The following CEP295 variants were observed in gnomAD, a reference collection of about 807,000 sequenced individuals.
The protein encoded by CEP295 is centrosomal protein 295.
CEP295 carries 190 observed loss-of-function variants against 291.6 expected under a neutral mutation model. That is an observed-to-expected ratio of 0.65 (90% confidence interval 0.58 to 0.73). CEP295 has a LOEUF of 0.73. Among genes scored for constraint, CEP295 ranks in the 30% least tolerant of loss-of-function variants. The pLI is 0.00. For synonymous variants in CEP295, 993 were observed against 1,038.8 expected (o/e 0.96, Z 0.85); for missense variants, 2,863 against 2,949.4 (o/e 0.97, Z 0.68).
Position 93,699,264 on chromosome 11 carries a change from C to G in CEP295, c.4352C>G (p.Pro1451Arg), listed in dbSNP as rs1952010574. The G allele has an allele frequency of 6.4e-7, 1 of 1,551,484 alleles. No homozygotes were observed. Among genetic ancestry groups the G allele is most frequent in the Non-Finnish European group, 8.7e-7 (1 of 1,146,678 alleles). ...GLLGLSHLVL[P>R]QQDNLIALEE... ...TTGGGTTTATCACATCTTGTTTTAC[C>G]TCAACAAGATAATTTGATTGCACTT... The change falls in exon 15 of 30, where the codon CCT becomes CGT. Residue 1451 changes from proline (P) to arginine (R), a missense_variant. By Grantham distance (103) the Pro-to-Arg change is moderately radical (BLOSUM62 -2). Transcript: ENST00000325212.
rs1010456234 is a variant in CEP295 at position 93,673,647 on chromosome 11, C to T, written c.529-1924C>T. Among the ~76,000 whole-genome samples, 8 of 152,166 alleles carry T rather than the reference C, an allele frequency of 5.3e-5. No individual in the cohort carries two copies. In the East Asian group the frequency reaches 1.4e-3, roughly 26 times the overall value. On this transcript the variant is annotated intron_variant, in intron 5 of 29. Coordinates refer to ENST00000325212, the MANE Select transcript of CEP295 (RefSeq NM_033395.2). Reference sequence around the variant, plus strand: ...TAGCTGGGATTACAAGTGTGTGCCACCATGCCTGGCTAATTTTTGATTTTT... The same window carrying T: ...TAGCTGGGATTACAAGTGTGTGCCATCATGCCTGGCTAATTTTTGATTTTT...
chr11:93,679,559 C>T lies in CEP295; in HGVS notation c.765+7C>T. 1 of 1,550,124 alleles carries T rather than the reference C, an allele frequency of 6.5e-7. No homozygotes were observed. Among genetic ancestry groups the T allele is most frequent in the Middle Eastern group, 1.7e-4 (1 of 5,984 alleles). On this transcript the variant is annotated splice_region_variant and intron_variant, in intron 7 of 29. Coordinates refer to ENST00000325212, the MANE Select transcript of CEP295 (RefSeq NM_033395.2). ...GAAGATCCATTTGGCTCAAGTAAGA[C>T]TTATATTCTACCCATGACCATTACT... is the stretch of plus-strand genomic sequence containing the variant.
intron 18 of CEP295, among the ~76,000 whole-genome samples, chr11:93,713,076 C>G (rs577238420): frequency 6.6e-6 from 1 of 151,844 alleles, no homozygotes; most frequent in African/African-American, 2.4e-5. Flanking sequence ...AAAGAGAAAA[C>G]TAATAAAAGC....
chr11:93,680,679 A>G (rs1266999990), intron 7 of CEP295, among the ~76,000 whole-genome samples: 1 of 152,230 alleles, frequency 6.6e-6, no homozygotes, highest in Non-Finnish European at 1.5e-5. Flanking sequence ...TGTCATCAAT[A>G]TGTAAAATAT....
rs1262620019 is a variant in CEP295, at chr11:93,696,681, G to A, written c.1770-1G>A. 6.5e-7 allele frequency: 1 copy of A among 1,528,506 alleles called. No individual in the cohort carries two copies. Among genetic ancestry groups the A allele is most frequent in the Admixed American group, 2.2e-5 (1 of 45,836 alleles). 94.7% of individuals were successfully genotyped at this position (1,528,506 alleles called of 1,614,324 possible). A position where few individuals can be genotyped will look rare whatever the true frequency, so the allele number is the denominator to read the frequency against. Reference sequence around the variant, plus strand: ...TAATTGTTTGCTTTTGTTTTTGGTAGGTTACACAGGCAGTCTGTTGAAACA... The same window carrying A: ...TAATTGTTTGCTTTTGTTTTTGGTAAGTTACACAGGCAGTCTGTTGAAACA... On this transcript the variant is annotated splice_acceptor_variant, in intron 14 of 29. Transcript: ENST00000325212. LOFTEE classifies it high-confidence loss of function.
chr11:93,718,074 G>A (rs1285255510), intron 18 of CEP295, among the ~76,000 whole-genome samples: 2 of 152,226 alleles, frequency 1.3e-5, no homozygotes, highest in East Asian at 3.9e-4. Context: ...ACCCCACCCG[G>A]TTAATTTTTT....
intron 13 of CEP295, 74 bp downstream of exon 13, chr11:93,695,708 G>T: frequency 6.9e-7 from 1 of 1,443,220 alleles, no homozygotes; most frequent in African/African-American, 1.5e-5. Flanking sequence ...CACTTGTAGC[G>T]TTTAGAAAAG....
At position 93,699,692 on chromosome 11, in the gene CEP295, A is replaced by G. The variant is rs80145928; in HGVS notation, c.4780A>G (p.Lys1594Glu). The G allele has an allele frequency of 1.9e-6, 3 of 1,551,560 alleles. No individual in the cohort carries two copies. In the African/African-American group the frequency reaches 4.1e-5, roughly 21 times the overall value. ...ACAGGATAGACTTTTGAGTTTATCA[A>G]AGCCTATTCTGCCTCAGCAAGATAA... ...RLQDRLLSLS[K>E]PILPQQDNMT... The change falls in exon 15 of 30, where the codon AAG (lysine) becomes GAG (glutamate). Residue 1594 changes from lysine (K) to glutamate (E), a missense_variant. Around this residue, in one of 3 missense-constraint regions of CEP295, gnomAD observed 2,295 missense variants for 2,335.7 expected, o/e 0.98. Transcript: ENST00000325212.
chr11:93,716,738 A>G (rs1335818820), intron 18 of CEP295, among the ~76,000 whole-genome samples: 1 of 152,250 alleles, frequency 6.6e-6, no homozygotes, highest in Non-Finnish European at 1.5e-5. Context: ...AATTGTAACA[A>G]GTTCATAACT....
In CEP295 at chr11:93,667,750, A is replaced by C; in HGVS notation, c.252A>C (p.Lys84Asn). ...SQTQKIQNLE[K>N]LYLASLRSMG... ...CTCAGAAAATACAGAACTTGGAAAA[A>C]CTGTATTTGGCAAGTTTAAGAAGTA... The change falls in exon 3 of 30, where the codon AAA (lysine) becomes AAC (asparagine). Residue 84 changes from lysine to asparagine, a missense_variant. Physicochemically the swap from Lys to Asn is moderately conservative, Grantham distance 94. Transcript: ENST00000325212. 1 of 1,551,440 alleles carries C rather than the reference A, an allele frequency of 6.4e-7. No homozygotes were observed. The highest frequency in any genetic ancestry group is 8.7e-7 in the Non-Finnish European group (1 of 1,146,852).
intron 12 of CEP295, among the ~76,000 whole-genome samples, chr11:93,693,972 A>G (rs544273978): frequency 8.3e-4 from 126 of 152,340 alleles, no homozygotes; most frequent in African/African-American, 2.9e-3. Flanking sequence ...AAAGCTAGTA[A>G]CCACTCTATG....
At position 93,697,897 on chromosome 11, in the gene CEP295, C is replaced by T. The variant is rs375961612; in HGVS notation, c.2985C>T (p.Phe995=). The change falls in exon 15 of 30, where the codon TTC becomes TTT. Residue 995 remains phenylalanine, a synonymous_variant. Coordinates refer to ENST00000325212, the MANE Select transcript of CEP295 (RefSeq NM_033395.2). ...RVCSEQAEPS[F]PFQVAQHTFT... ...GTTCCGAACAGGCTGAGCCCTCTTT[C>T]CCATTTCAGGTAGCTCAGCATACAT... 6.4e-7 allele frequency: 1 copy of T among 1,551,682 alleles called. No homozygotes were observed. The highest frequency in any genetic ancestry group is 2.4e-5 in the East Asian group (1 of 40,916).
Position 93,695,524 on chromosome 11 carries a change from A to C in CEP295, c.1561A>C (p.Lys521Gln), listed in dbSNP as rs1247495373. 6.8e-7 allele frequency: 1 copy of C among 1,466,862 alleles called. No homozygotes were observed. Among genetic ancestry groups the C allele is most frequent in the African/African-American group, 1.5e-5 (1 of 67,506 alleles). 90.9% of individuals were successfully genotyped at this position (1,466,862 alleles called of 1,614,324 possible). ...QIMEIEEQKQKQLELLEQIEQ... is the reference protein window; with the variant it reads ...QIMEIEEQKQQQLELLEQIEQ... ...AATGGAAATAGAAGAGCAGAAGCAA[A>C]AGCAATTGGAATTACTTGAACAAAT... The change falls in exon 13 of 30, where the codon AAG becomes CAG. Residue 521 changes from lysine (K) to glutamine (Q), a missense_variant. This residue lies in a region of CEP295 where 14 missense variants were observed against 37.7 expected (regional missense o/e 0.37). Transcript: ENST00000325212.
At position 93,675,681 on chromosome 11, in the gene CEP295, G is replaced by A; in HGVS notation, c.624+15G>A. ...ACACAAAACGGGTGATTGACTTATT[G>A]TTTCTTCATGCCCTCGCTTTATTAT... is the stretch of plus-strand genomic sequence containing the variant. On this transcript the variant is annotated intron_variant, in intron 6 of 29. Transcript: ENST00000325212. 1 of 1,194,792 alleles carries A rather than the reference G, an allele frequency of 8.4e-7. No individual in the cohort carries two copies. The highest frequency in any genetic ancestry group is 1.5e-5 in the South Asian group (1 of 67,780). The allele number at this position is 1,194,792 out of a possible 1,614,324, so 74.0% of individuals were successfully genotyped here. A position where few individuals can be genotyped will look rare whatever the true frequency, so the allele number is the denominator to read the frequency against.
chr11:93,721,903 T>C (rs747700963), intron 19 of CEP295, 51 bp from the exon 20 acceptor site: 1 of 1,309,858 alleles, frequency 7.6e-7, no homozygotes, highest in Admixed American at 1.7e-5. Context: ...TTTGGGGTTT[T>C]CTTACATACT....
intron 17 of CEP295, among the ~76,000 whole-genome samples, chr11:93,703,129 A>G (rs183217784): frequency 2.6e-5 from 4 of 152,028 alleles, no homozygotes; most frequent in African/African-American, 9.7e-5. Context: ...ACACCCAGCT[A>G]ATTTTTGTAT....
At chr11:93,675,725 G>T in intron 6 of CEP295, 59 bp downstream of exon 6, 2 of 869,808 alleles carry the variant, frequency 2.3e-6, no homozygotes, top group Middle Eastern at 2.1e-4. Flanking sequence ...GCATTGAATT[G>T]AATTATATCT....
At position 93,697,668 on chromosome 11, in the gene CEP295, A is replaced by G. The variant is rs1308480649; in HGVS notation, c.2756A>G (p.Asn919Ser). ...CAGGAATCTTCACCAACCAAGAATA[A>G]TATTGCAGTTTCCTCAGACCATCAT... is the stretch of plus-strand genomic sequence containing the variant. ...RIQESSPTKNNIAVSSDHHVI... is the reference protein window; with the variant it reads ...RIQESSPTKNSIAVSSDHHVI... Residue 919 changes from asparagine (N) to serine (S), a missense_variant, in exon 15 of 30, where the codon AAT becomes AGT. Asn to Ser is a conservative substitution (Grantham distance 46). Transcript: ENST00000325212. The G allele has an allele frequency of 6.4e-7, 1 of 1,551,876 alleles. No individual in the cohort carries two copies. The highest frequency in any genetic ancestry group is 2.4e-5 in the East Asian group (1 of 40,916).
In CEP295 at chr11:93,666,893, A is replaced by G. The variant is rs1950226704; in HGVS notation, c.108+78A>G. Reference sequence around the variant, plus strand: ...GTATTCTTTTACATTAGAGTGTTCTAAATGTTGTATTTAAAAACCTCTTCT... The same window carrying G: ...GTATTCTTTTACATTAGAGTGTTCTGAATGTTGTATTTAAAAACCTCTTCT... On this transcript the variant is annotated intron_variant, in intron 2 of 29. Coordinates refer to ENST00000325212, the MANE Select transcript of CEP295 (RefSeq NM_033395.2). 9 of 813,088 alleles carry G rather than the reference A, an allele frequency of 1.1e-5. No homozygotes were observed. In the South Asian group the frequency reaches 1.6e-4, roughly 15 times the overall value. The allele number at this position is 813,088 out of a possible 1,614,324, so 50.4% of individuals were successfully genotyped here.
Sources: gnomAD v4.1 joint callset for allele counts (sites outside exome capture counted in the v4.1 genomes callset) on GRCh38, gnomAD v4.1.1 for gene constraint, gnomAD v4.1.1 regional missense constraint, MANE v1.5 for transcripts, NCBI Gene and HGNC (gene_info 2026-07-23, HGNC 2026-07-21) for gene names.